The following ZNF273 variants were observed in gnomAD, a reference collection of about 807,000 sequenced individuals.
ZNF273 encodes the protein zinc finger protein 273.
In ZNF273, 11 loss-of-function variants were observed where a neutral mutation model predicts 14.9. That is an observed-to-expected ratio of 0.74 (90% CI 0.46 to 1.22). The LOEUF (loss-of-function observed/expected upper bound fraction) is 1.22, where lower values mean the gene tolerates loss of function less well. Ranked by LOEUF, ZNF273 falls within the 50% of genes most tolerant of loss-of-function variation. The probability of loss-of-function intolerance (pLI) is 0.00; values close to 1 mark genes in which losing one functional copy is unlikely to be tolerated. For missense variants in ZNF273, 577 were observed against 660.6 expected, an observed-to-expected ratio of 0.87 and a Z score of 1.39; for synonymous variants, 199 against 223.9, an observed-to-expected ratio of 0.89 and a Z score of 0.99.
At chr7:64,885,210 G>A (rs1266135370) in intron 1 of ZNF273, among the ~76,000 whole-genome samples, 1 of 152,188 alleles carries the variant, frequency 6.6e-6, no homozygotes, top group Non-Finnish European at 1.5e-5. Flanking sequence ...GCAGGGATAA[G>A]CCAGCCTTAG....
At chr7:64,922,419 C>T (rs1456554794) in intron 3 of ZNF273, among the ~76,000 whole-genome samples, 1 of 151,846 alleles carries the variant, frequency 6.6e-6, no homozygotes, top group Admixed American at 6.6e-5. Flanking sequence ...ACCTCTGCCT[C>T]CCAGGTTCAA....
downstream of ZNF273, among the ~76,000 whole-genome samples, chr7:64,931,284 T>C (rs1304736279): frequency 6.6e-6 from 1 of 152,180 alleles, no homozygotes; most frequent in Non-Finnish European, 1.5e-5. Flanking sequence ...TGCTTTGTAC[T>C]GAATTCATTA....
Position 64,928,816 on chromosome 7 carries a change from C to G in ZNF273, c.1488C>G (p.Asn496Lys), listed in dbSNP as rs550436759. The stretch of plus-strand genomic sequence containing the variant: ...GCAATGAATGTGGTAAAGCCTTTAA[C>G]TGGTCCTCAACTCTTACTAAACATA... The part of the protein sequence containing the change: ...YKCNECGKAF[N>K]WSSTLTKHKR... Residue 496 changes from asparagine to lysine, a missense_variant, in exon 4 of 4, where the codon AAC becomes AAG. Physicochemically the swap from Asn to Lys is moderately conservative, Grantham distance 94. Coordinates refer to ENST00000476120, the MANE Select transcript of ZNF273 (RefSeq NM_021148.3). 2 of 1,613,638 alleles carry G rather than the reference C, an allele frequency of 1.2e-6. No homozygotes were observed. The highest frequency in any genetic ancestry group is 2.2e-5 in the South Asian group (2 of 91,062).
At chr7:64,918,417 C>G (rs568984562) in intron 3 of ZNF273, 125 bp downstream of exon 3, 53 of 936,712 alleles carry the variant, frequency 5.7e-5, no homozygotes, top group Non-Finnish European at 7.5e-5. Context: ...AATCCCAGCA[C>G]TTTGGGAGGC....
downstream of ZNF273, among the ~76,000 whole-genome samples, chr7:64,881,851 G>T (rs1171032647): frequency 6.6e-6 from 1 of 152,192 alleles, no homozygotes; most frequent in African/African-American, 2.4e-5. Flanking sequence ...GGCGAGTCTT[G>T]ATTTTCTTGT....
At chr7:64,888,687 G>C in exon 2 of ZNF273, 1 of 985,758 alleles carries the variant, frequency 1.0e-6, no homozygotes, top group Non-Finnish European at 1.2e-6. Flanking sequence ...AAGTCTTCGG[G>C]GTGAGAGGTC....
intron 1 of ZNF273, among the ~76,000 whole-genome samples, chr7:64,910,466 T>G (rs1187637336): frequency 1.3e-5 from 2 of 152,176 alleles, no homozygotes; most frequent in African/African-American, 4.8e-5. Context: ...TTGTAGAAGA[T>G]CAGATGGTTG....
chr7:64,921,605 CTTTTTTTT>C (rs752363426), intron 3 of ZNF273, among the ~76,000 whole-genome samples: 1,927 of 57,404 alleles, frequency 0.034, 2 homozygotes, highest in East Asian at 0.1. Context: ...CATGCTAATG[CTTTTTTTT>C]TTTTTTTTTT....
At chr7:64,925,654 G>A (rs987997516) in intron 3 of ZNF273, among the ~76,000 whole-genome samples, 1 of 152,116 alleles carries the variant, frequency 6.6e-6, no homozygotes, top group Admixed American at 6.5e-5. Context: ...TGGCCAGGTT[G>A]GTCTCGAACT....
chr7:64,913,345 T>C (rs7784671), intron 1 of ZNF273, among the ~76,000 whole-genome samples: 149,252 of 152,370 alleles, frequency 0.98, 73,183 homozygotes, highest in East Asian at 1. Flanking sequence ...GGCCCTTCAT[T>C]TAAATCCTGG....
chr7:64,893,471 C>T (rs1159336195), downstream of ZNF273: 6 of 152,168 alleles, frequency 3.9e-5, no homozygotes, highest in Non-Finnish European at 8.8e-5. Context: ...GAGAAGCAGC[C>T]TTTAAAGCAG....
Position 64,907,658 on chromosome 7 carries a change from ATTAG to A in ZNF273, c.102+4242_102+4245del, listed in dbSNP as rs201439319. Among the ~76,000 whole-genome samples, 1,399 of 152,252 alleles carry A rather than the reference ATTAG, an allele frequency of 9.2e-3. 16 individuals are homozygous for A. The highest frequency in any genetic ancestry group is 0.032 in the African/African-American group (1,328 of 41,552). ...GGTGTCAGAATTCAAATGTTAGACA[ATTAG>A]TTGGTGTTAGAGAATTGCTTGGTAT... On this transcript the variant is annotated intron_variant, in intron 1 of 3. Transcript: ENST00000476120.
At chr7:64,936,609 A>G in the ZNF273 span, among the ~76,000 whole-genome samples, 1 of 152,260 alleles carries the variant, frequency 6.6e-6, no homozygotes, top group African/African-American at 2.4e-5. Flanking sequence ...ATGAAAAATT[A>G]TAATATATTC....
chr7:64,893,964 G>A (rs963230055), downstream of ZNF273: 2 of 151,950 alleles, frequency 1.3e-5, no homozygotes, highest in Admixed American at 1.3e-4. Flanking sequence ...TCACAGTTTA[G>A]TTTACTATTT....
downstream of ZNF273, chr7:64,880,029 T>TGGCG (rs1791206341): frequency 6.6e-6 from 1 of 152,236 alleles, no homozygotes; most frequent in Non-Finnish European, 1.5e-5. Flanking sequence ...CATGCACCAG[T>TGGCG]GGCGGGGCAC....
chr7:64,894,411 T>C (rs940336291), downstream of ZNF273, among the ~76,000 whole-genome samples: 2 of 152,230 alleles, frequency 1.3e-5, no homozygotes, highest in Non-Finnish European at 2.9e-5. Context: ...ATGTTTTAGG[T>C]AATCTAAGAT....
intron 3 of ZNF273, among the ~76,000 whole-genome samples, chr7:64,921,291 T>C (rs1339949129): frequency 1.3e-5 from 2 of 152,150 alleles, no homozygotes; most frequent in Non-Finnish European, 2.9e-5. Flanking sequence ...CTCGAACTCC[T>C]GACCTCGTGA....
intron 1 of ZNF273, among the ~76,000 whole-genome samples, chr7:64,903,932 T>G (rs1792908854): frequency 6.6e-6 from 1 of 152,224 alleles, no homozygotes; most frequent in East Asian, 1.9e-4. Flanking sequence ...AGAAAGCCAA[T>G]AATTGGTTAG....
chr7:64,922,084 GC>G (rs1794504901), intron 3 of ZNF273, among the ~76,000 whole-genome samples: 1 of 146,172 alleles, frequency 6.8e-6, no homozygotes, highest in Non-Finnish European at 1.5e-5. Context: ...CATATTTTAT[GC>G]TTTTTTCTTA....
Sources: allele counts gnomAD v4.1 joint callset (sites outside exome capture counted in the v4.1 genomes callset), GRCh38; gene constraint gnomAD v4.1.1; transcripts MANE v1.5; gene names NCBI Gene and HGNC (gene_info 2026-07-23, HGNC 2026-07-21).